The following NEGR1 variants were observed in gnomAD, a reference collection of about 807,000 sequenced individuals.
NEGR1 encodes the protein IgLON family member 4.
NEGR1 carries 10 observed loss-of-function variants against 40.9 expected under a neutral mutation model. The observed-to-expected ratio is 0.24, with a 90% confidence interval of 0.15 to 0.42. The LOEUF is 0.42. NEGR1 is among the 10% of genes least tolerant of loss of function. The pLI is 1.00. For missense variants in NEGR1, 352 were observed against 438.9 expected, an observed-to-expected ratio of 0.80 and a Z score of 1.77; for synonymous variants, 185 against 166.8, an observed-to-expected ratio of 1.11 and a Z score of -0.84.
rs565549762 is a variant in NEGR1 at position 71,800,692 on chromosome 1, C to T, written c.410-24395G>A. Among the ~76,000 whole-genome samples, 22 of 152,200 alleles carry T rather than the reference C, an allele frequency of 1.4e-4. No homozygotes were observed. The South Asian group carries it at 4.6e-3, about 32-fold the overall frequency. ...CTTTGTTAAGAGAGGACTGTGTTCC[C>T]ATCCAGCCTCATCCCTCCACTTGAG... On this transcript the variant is annotated intron_variant, in intron 2 of 6. Transcript: ENST00000357731.
chr1:71,785,069 A>C (rs1656862195), intron 2 of NEGR1, among the ~76,000 whole-genome samples: 5 of 152,190 alleles, frequency 3.3e-5, no homozygotes, highest in African/African-American at 9.7e-5. Flanking sequence ...GTGTTTATAC[A>C]CCAGAATTCA....
chr1:71,491,452 G>C (rs1248530617), intron 6 of NEGR1, among the ~76,000 whole-genome samples: 1 of 151,886 alleles, frequency 6.6e-6, no homozygotes, highest in African/African-American at 2.4e-5. Flanking sequence ...GTATTTATTT[G>C]GGCTAAAGAT....
chr1:71,957,040 T>C (rs1646125255), intron 1 of NEGR1, among the ~76,000 whole-genome samples: 1 of 152,188 alleles, frequency 6.6e-6, no homozygotes, highest in Admixed American at 6.5e-5. Flanking sequence ...ATTTAGTATG[T>C]TAATGTCCCT....
chr1:71,918,630 CAT>C (rs1661672506), intron 2 of NEGR1, among the ~76,000 whole-genome samples: 1 of 151,818 alleles, frequency 6.6e-6, no homozygotes, highest in Admixed American at 6.6e-5. Context: ...GAAAAACACA[CAT>C]AGCTTTTTGG....
Position 71,834,208 on chromosome 1 carries a change from G to T in NEGR1, c.410-57911C>A, listed in dbSNP as rs75392289. Among the ~76,000 whole-genome samples, 577 of 152,186 alleles carry T rather than the reference G, an allele frequency of 3.8e-3. 2 individuals are homozygous for T. The highest frequency in any genetic ancestry group is 0.013 in the African/African-American group (530 of 41,550). ...TTGAATTGGGAGTAAGAAGAAATTG[G>T]TATCTAGCTATTCACTTACTGGTAT... On this transcript the variant is annotated intron_variant, in intron 2 of 6. Transcript: ENST00000357731.
chr1:71,562,567 T>C (rs1484102796), intron 6 of NEGR1, among the ~76,000 whole-genome samples: 2 of 151,946 alleles, frequency 1.3e-5, no homozygotes, highest in Non-Finnish European at 2.9e-5. Flanking sequence ...CCTTTCCTAG[T>C]ACAGATTTCC....
intron 6 of NEGR1, among the ~76,000 whole-genome samples, chr1:71,531,506 A>T (rs1004117430): frequency 2.0e-5 from 3 of 151,380 alleles, no homozygotes; most frequent in Non-Finnish European, 4.4e-5. Flanking sequence ...TGAACCTGAG[A>T]TTATATTAAT....
At chr1:71,660,841 C>G (rs1489504727) in intron 4 of NEGR1, among the ~76,000 whole-genome samples, 1 of 152,078 alleles carries the variant, frequency 6.6e-6, no homozygotes, top group African/African-American at 2.4e-5. Context: ...CTAATGCTAT[C>G]CCTCTCCTAG....
chr1:72,024,208 G>GA (rs1217225555), intron 1 of NEGR1, among the ~76,000 whole-genome samples: 1 of 151,958 alleles, frequency 6.6e-6, no homozygotes, highest in Non-Finnish European at 1.5e-5. Flanking sequence ...AATTATTTGA[G>GA]AAAAATTCTA....
intron 5 of NEGR1, among the ~76,000 whole-genome samples, chr1:71,609,266 A>G (rs1404020389): frequency 2.0e-5 from 3 of 152,054 alleles, no homozygotes; most frequent in Non-Finnish European, 2.9e-5. Context: ...CTGTAATCCC[A>G]GCACTTTGGG....
intron 1 of NEGR1, among the ~76,000 whole-genome samples, chr1:72,044,057 AC>A (rs961399710): frequency 1.6e-4 from 25 of 151,704 alleles, no homozygotes; most frequent in Non-Finnish European, 2.5e-4. Flanking sequence ...TGTTGTAAAG[AC>A]CCCCCCATAC....
chr1:72,135,404 C>CAAAAAAAAAAAAAAAAAAAAAAA (rs562148946), intron 1 of NEGR1, among the ~76,000 whole-genome samples: 1 of 65,796 alleles, frequency 1.5e-5, no homozygotes, highest in Non-Finnish European at 2.6e-5. Flanking sequence ...AAACAAAAAA[C>CAAAAAAAAAAAAAAAAAAAAAAA]AAAAAAAAAA....
chr1:71,853,899 C>G (rs925236964), intron 2 of NEGR1, among the ~76,000 whole-genome samples: 2 of 152,084 alleles, frequency 1.3e-5, no homozygotes, highest in Non-Finnish European at 2.9e-5. Flanking sequence ...TAGTTCAGAG[C>G]AAAATGGATC....
chr1:72,262,412 G>T (rs1655489208), intron 1 of NEGR1, among the ~76,000 whole-genome samples: 1 of 151,786 alleles, frequency 6.6e-6, no homozygotes, highest in Admixed American at 6.6e-5. Context: ...GAATACACAG[G>T]GTTCATTACT....
At chr1:71,659,292 C>G (rs571497995) in intron 4 of NEGR1, among the ~76,000 whole-genome samples, 1 of 152,216 alleles carries the variant, frequency 6.6e-6, no homozygotes, top group Non-Finnish European at 1.5e-5. Flanking sequence ...TCAGACCGCT[C>G]TTCAATAGCC....
At chr1:71,675,738 AG>A (rs1203961787) in intron 4 of NEGR1, among the ~76,000 whole-genome samples, 1 of 152,068 alleles carries the variant, frequency 6.6e-6, no homozygotes, top group Non-Finnish European at 1.5e-5. Context: ...TCTTGTTCAA[AG>A]GGACATAATT....
intron 6 of NEGR1, among the ~76,000 whole-genome samples, chr1:71,481,845 T>A (rs1322585142): frequency 6.6e-6 from 1 of 151,910 alleles, no homozygotes; most frequent in Admixed American, 6.6e-5. Flanking sequence ...TTTTAGTCAC[T>A]TTTTAGGCTA....
intron 1 of NEGR1, among the ~76,000 whole-genome samples, chr1:72,169,350 A>G (rs1651881780): frequency 6.6e-6 from 1 of 152,172 alleles, no homozygotes; most frequent in Non-Finnish European, 1.5e-5. Context: ...TCTATTAGAT[A>G]TCAACCTACT....
At chr1:71,488,815 T>C (rs1422978980) in intron 6 of NEGR1, among the ~76,000 whole-genome samples, 2 of 151,710 alleles carry the variant, frequency 1.3e-5, no homozygotes, top group African/African-American at 4.8e-5. Flanking sequence ...AGAAGTATTA[T>C]ACAATTCAAG....
Sources: allele counts gnomAD v4.1 joint callset (sites outside exome capture counted in the v4.1 genomes callset), GRCh38; gene constraint gnomAD v4.1.1; transcripts MANE v1.5; gene names NCBI Gene and HGNC (gene_info 2026-07-23, HGNC 2026-07-21).